The following OCA2 variants were observed in gnomAD, a reference collection of about 807,000 sequenced individuals.
The protein encoded by OCA2 is OCA2 melanosomal transmembrane protein.
OCA2 carries 77 observed loss-of-function variants against 100.2 expected under a neutral mutation model. The ratio of observed to expected loss-of-function variants is 0.77; its 90% CI spans 0.64 to 0.93. OCA2 has a LOEUF of 0.93. OCA2 is among the 40% of genes least tolerant of loss of function. The pLI, the probability that OCA2 is intolerant of heterozygous loss-of-function variation, is 0.00. For synonymous variants in OCA2, 432 were observed against 439.2 expected (o/e 0.98, Z 0.21); for missense variants, 1,062 against 1,089.1 (o/e 0.98, Z 0.35).
intron 6 of OCA2, among the ~76,000 whole-genome samples, chr15:28,019,100 G>A (rs772309375): frequency 1.3e-5 from 2 of 152,108 alleles, no homozygotes; most frequent in Non-Finnish European, 2.9e-5. Flanking sequence ...GGGAAACAGT[G>A]TTTTCTCCTC....
intron 23 of OCA2, among the ~76,000 whole-genome samples, chr15:27,788,409 C>T (rs1157481330): frequency 6.6e-6 from 1 of 152,006 alleles, no homozygotes; most frequent in African/African-American, 2.4e-5. Flanking sequence ...TTATATCATC[C>T]TGATTTATTG....
At chr15:27,999,878 A>G (rs2041873357) in intron 9 of OCA2, among the ~76,000 whole-genome samples, 1 of 152,230 alleles carries the variant, frequency 6.6e-6, no homozygotes, top group Non-Finnish European at 1.5e-5. Flanking sequence ...ATAGCATCAA[A>G]AAGAATAAAA....
At chr15:27,871,809 C>A in intron 20 of OCA2, 54 bp downstream of exon 20, 1 of 1,230,818 alleles carries the variant, frequency 8.1e-7, no homozygotes, top group Non-Finnish European at 1.2e-6. Context: ...TAATTTTTTT[C>A]ACAAAATCAA....
At chr15:27,858,281 G>A (rs984290283) in intron 21 of OCA2, among the ~76,000 whole-genome samples, 2 of 151,006 alleles carry the variant, frequency 1.3e-5, no homozygotes, top group African/African-American at 4.9e-5. Flanking sequence ...GGCTGAGGCA[G>A]AAGAATCACT....
chr15:28,018,290 G>T, intron 7 of OCA2, 107 bp downstream of exon 7: 1 of 1,006,984 alleles, frequency 9.9e-7, no homozygotes, highest in Middle Eastern at 2.0e-4. Context: ...ACTAAGAATG[G>T]TGTCCTCGCC....
intron 23 of OCA2, among the ~76,000 whole-genome samples, chr15:27,823,582 A>C (rs1021934596): frequency 6.6e-6 from 1 of 152,204 alleles, no homozygotes; most frequent in Non-Finnish European, 1.5e-5. Flanking sequence ...GAAATCAAAA[A>C]CATTTTAACT....
At position 28,005,587 on chromosome 15, in the gene OCA2, G is replaced by C. The variant is rs184120966; in HGVS notation, c.1044+9189C>G. On this transcript the variant is annotated intron_variant, in intron 9 of 23. Coordinates refer to ENST00000354638, the MANE Select transcript of OCA2 (RefSeq NM_000275.3). The stretch of plus-strand genomic sequence containing the variant: ...TTTTCCAGCTTCGAAGCCATCAACG[G>C]TGAATCAAGCCCTCGCATCACACTT... Among the ~76,000 whole-genome samples the C allele has an allele frequency of 3.3e-5, 5 of 152,130 alleles. No individual in the cohort carries two copies. In the East Asian group the frequency reaches 9.7e-4, roughly 30 times the overall value.
rs559663735 is a variant in OCA2, at chr15:27,924,507, C to T, written c.2079+1620G>A. On this transcript the variant is annotated intron_variant, in intron 19 of 23. Transcript: ENST00000354638. ...GCATATAACGTAGAAGTACAACATA[C>T]GTGACCATCAAAGCACAAACAAGGG... Among the ~76,000 whole-genome samples, 27 of 152,024 alleles carry T rather than the reference C, an allele frequency of 1.8e-4. 1 individual carries two copies. Among genetic ancestry groups the T allele is most frequent in the African/African-American group, 5.8e-4 (24 of 41,472 alleles).
chr15:27,822,329 T>C (rs899183651), intron 23 of OCA2, among the ~76,000 whole-genome samples: 1 of 152,220 alleles, frequency 6.6e-6, no homozygotes, highest in African/African-American at 2.4e-5. Context: ...CTCAATATTA[T>C]GTTCTTGAGA....
chr15:27,851,398 G>A lies in OCA2; in HGVS notation c.2322C>T (p.Phe774=), dbSNP rs762388937. The change falls in exon 22 of 24, where the codon TTC becomes TTT. Residue 774 remains phenylalanine, a synonymous_variant. Coordinates refer to ENST00000354638, the MANE Select transcript of OCA2 (RefSeq NM_000275.3). ...PAPPLMYALA[F]GACLGGNGTL... is the part of the protein sequence containing the mutation. ...GCCCCTTACCTCCCAGGCAAGCACCGAAGGCCAGGGCATACATGAGCGGCG... is the reference window on the plus strand; with the variant it reads ...GCCCCTTACCTCCCAGGCAAGCACCAAAGGCCAGGGCATACATGAGCGGCG... The A allele has an allele frequency of 1.8e-5, 29 of 1,613,890 alleles. 2 individuals are homozygous for A. Among genetic ancestry groups the A allele is most frequent in the South Asian group, 1.6e-4 (15 of 91,002 alleles).
chr15:27,781,530 T>C (rs1376661843), intron 23 of OCA2, among the ~76,000 whole-genome samples: 1 of 152,220 alleles, frequency 6.6e-6, no homozygotes, highest in Non-Finnish European at 1.5e-5. Flanking sequence ...AATACTGACT[T>C]CCTGAGATCT....
At chr15:27,886,991 TG>T (rs959885939) in intron 19 of OCA2, among the ~76,000 whole-genome samples, 3 of 152,150 alleles carry the variant, frequency 2.0e-5, no homozygotes, top group African/African-American at 7.2e-5. Context: ...AATTGAATCA[TG>T]GGGGGCTGCT....
At chr15:27,837,155 C>T (rs1013112478) in intron 23 of OCA2, among the ~76,000 whole-genome samples, 4 of 152,216 alleles carry the variant, frequency 2.6e-5, no homozygotes, top group African/African-American at 9.7e-5. Context: ...GGGAATCTAA[C>T]ATTAGCATAA....
chr15:27,792,885 A>T (rs1040477773), intron 23 of OCA2, among the ~76,000 whole-genome samples: 8 of 152,218 alleles, frequency 5.3e-5, no homozygotes, highest in Non-Finnish European at 7.3e-5. Context: ...AGAGGGGAAA[A>T]GCAGCGCCCT....
At chr15:28,057,590 C>T (rs1037662492) in intron 2 of OCA2, among the ~76,000 whole-genome samples, 1 of 152,086 alleles carries the variant, frequency 6.6e-6, no homozygotes, top group Non-Finnish European at 1.5e-5. Flanking sequence ...CAAGAAATGG[C>T]CCTACTACAC....
chr15:28,024,953 C>T (rs376388259), intron 4 of OCA2, 51 bp from the exon 5 acceptor site: 37 of 1,572,824 alleles, frequency 2.4e-5, no homozygotes, highest in Non-Finnish European at 3.1e-5. Flanking sequence ...GTCCTGTTGC[C>T]CAGACTCAGA....
At chr15:27,840,152 T>G (rs1003582498) in intron 23 of OCA2, among the ~76,000 whole-genome samples, 2 of 151,816 alleles carry the variant, frequency 1.3e-5, no homozygotes, top group Non-Finnish European at 2.9e-5. Flanking sequence ...TGAAATAAAT[T>G]TGAAATTTGA....
chr15:27,957,789 A>G lies in OCA2; in HGVS notation c.1637-54T>C. On this transcript the variant is annotated intron_variant, in intron 15 of 23. Transcript: ENST00000354638. The surrounding 1 kb of genome is among the most constrained non-coding windows in gnomAD (Gnocchi z 4.3). Reference sequence around the variant, plus strand: ...TCTCCCATGACCTCAGATATCAGCAACACCCTCCTCTGTTCCCCACACAGT... The same window carrying G: ...TCTCCCATGACCTCAGATATCAGCAGCACCCTCCTCTGTTCCCCACACAGT... 1 of 1,602,570 alleles carries G rather than the reference A, an allele frequency of 6.2e-7. No homozygotes were observed. Among genetic ancestry groups the G allele is most frequent in the Non-Finnish European group, 8.5e-7 (1 of 1,171,708 alleles).
chr15:27,786,512 A>G (rs1186922361), intron 23 of OCA2, among the ~76,000 whole-genome samples: 2 of 152,192 alleles, frequency 1.3e-5, no homozygotes, highest in Non-Finnish European at 2.9e-5. Flanking sequence ...TTCTTTTGCT[A>G]AAATTCATCC....
Sources: allele counts gnomAD v4.1 joint callset (sites outside exome capture counted in the v4.1 genomes callset), GRCh38; gene constraint gnomAD v4.1.1; non-coding constraint Gnocchi (gnomAD v3.1); transcripts MANE v1.5; gene names NCBI Gene and HGNC (gene_info 2026-07-23, HGNC 2026-07-21).